Variants in PPM1E observed in about 807,000 individuals in gnomAD.
PPM1E encodes the protein protein phosphatase 1E.
PPM1E carries 20 observed loss-of-function variants against 65.9 expected under a neutral mutation model. The ratio of observed to expected loss-of-function variants is 0.30; its 90% CI spans 0.21 to 0.44. The LOEUF is 0.44. Among genes scored for constraint, PPM1E ranks in the 20% least tolerant of loss-of-function variants. The probability of loss-of-function intolerance (pLI) is 1.00; values close to 1 mark genes in which losing one functional copy is unlikely to be tolerated. For synonymous variants in PPM1E, 352 were observed against 374.9 expected (o/e 0.94, Z 0.70); for missense variants, 713 against 953.1 (o/e 0.75, Z 3.32).
chr17:58,956,034 T>C (rs930716374), intron 2 of PPM1E, among the ~76,000 whole-genome samples: 7 of 152,094 alleles, frequency 4.6e-5, no homozygotes, highest in Non-Finnish European at 8.8e-5. Flanking sequence ...AAGTGATACC[T>C]ACATGAATGG....
At chr17:58,899,874 A>C (rs1215276418) in intron 1 of PPM1E, among the ~76,000 whole-genome samples, 1 of 152,156 alleles carries the variant, frequency 6.6e-6, no homozygotes, top group African/African-American at 2.4e-5. Flanking sequence ...TGGAAATAGC[A>C]AGATAACTAA....
intron 1 of PPM1E, among the ~76,000 whole-genome samples, chr17:58,919,252 A>G (rs1236251562): frequency 6.6e-6 from 1 of 152,214 alleles, no homozygotes; most frequent in Admixed American, 6.5e-5. Context: ...AACATGTACT[A>G]AACCTGGTGG....
intron 1 of PPM1E, among the ~76,000 whole-genome samples, chr17:58,830,130 G>T (rs2143172881): frequency 6.6e-6 from 1 of 152,052 alleles, no homozygotes; most frequent in African/African-American, 2.4e-5. Flanking sequence ...AACTCTGATT[G>T]GATCACTGCA....
rs145752435 is a variant in PPM1E at position 58,831,267 on chromosome 17, C to T, written c.464+74806C>T. ...CCTTGTAATCGTCCACCTTGGTCTC[C>T]CAAAATGCTAGGATTACAGGCGTGA... On this transcript the variant is annotated intron_variant, in intron 1 of 6. Coordinates refer to ENST00000308249, the MANE Select transcript of PPM1E (RefSeq NM_014906.5). 4.8e-3 allele frequency among the ~76,000 whole-genome samples: 733 copies of T among 152,234 alleles called. 4 individuals are homozygous for T. Among genetic ancestry groups the T allele is most frequent in the African/African-American group, 0.017 (709 of 41,540 alleles).
At chr17:58,825,856 C>A (rs530683766) in intron 1 of PPM1E, among the ~76,000 whole-genome samples, 12 of 152,242 alleles carry the variant, frequency 7.9e-5, no homozygotes, top group Admixed American at 2.6e-4. Context: ...AGGCATGAGC[C>A]ACCGCACGCA....
chr17:58,936,270 A>G (rs1182921566), intron 1 of PPM1E, among the ~76,000 whole-genome samples: 1 of 152,120 alleles, frequency 6.6e-6, no homozygotes, highest in African/African-American at 2.4e-5. Context: ...TGCCTTCATT[A>G]TTTTTAGCTT....
intron 1 of PPM1E, among the ~76,000 whole-genome samples, chr17:58,937,673 G>C (rs886236794): frequency 2.7e-5 from 4 of 147,640 alleles, no homozygotes; most frequent in Non-Finnish European, 6.0e-5. Flanking sequence ...TTAGGAGCTC[G>C]AGACCATCCT....
In PPM1E at chr17:58,972,735, A is replaced by G. The variant is rs937321607; in HGVS notation, c.1117-97A>G. 1.5e-5 allele frequency: 16 copies of G among 1,083,688 alleles called. No homozygotes were observed. The Admixed American group carries it at 2.5e-4, about 17-fold the overall frequency. 67.1% of individuals were successfully genotyped at this position (1,083,688 alleles called of 1,614,324 possible). ...ATGGAGAAACAAAGAGAACCTTTTC[A>G]TGAGCTGATGAGTATTATATCTGTT... On this transcript the variant is annotated intron_variant, in intron 5 of 6. Coordinates refer to ENST00000308249, the MANE Select transcript of PPM1E (RefSeq NM_014906.5).
chr17:58,935,442 T>C (rs984436439), intron 1 of PPM1E, among the ~76,000 whole-genome samples: 6 of 152,086 alleles, frequency 3.9e-5, no homozygotes, highest in African/African-American at 1.4e-4. Flanking sequence ...AAAGATCATG[T>C]CAAGGTAGAC....
chr17:58,974,171 T>G (rs1421189959), intron 6 of PPM1E, among the ~76,000 whole-genome samples: 1 of 152,082 alleles, frequency 6.6e-6, no homozygotes, highest in East Asian at 1.9e-4. Context: ...TTTCATTGCA[T>G]TTTGGGTCAA....
intron 2 of PPM1E, among the ~76,000 whole-genome samples, chr17:58,962,216 G>A (rs1227596519): frequency 2.6e-5 from 4 of 151,648 alleles, no homozygotes; most frequent in South Asian, 2.1e-4. Flanking sequence ...CCTGGGAGGC[G>A]GAGGTTGTGG....
chr17:58,757,944 T>C (rs2049784769), intron 1 of PPM1E, among the ~76,000 whole-genome samples: 1 of 152,126 alleles, frequency 6.6e-6, no homozygotes, highest in South Asian at 2.1e-4. Context: ...TTGTGAACTA[T>C]CATAGACAAG....
intron 1 of PPM1E, among the ~76,000 whole-genome samples, chr17:58,802,908 ATTAG>A (rs2050272254): frequency 6.6e-6 from 1 of 152,060 alleles, no homozygotes; most frequent in Admixed American, 6.6e-5. Flanking sequence ...AGAATCATTT[ATTAG>A]TTCTAACAGT....
intron 3 of PPM1E, among the ~76,000 whole-genome samples, chr17:58,968,995 AT>A (rs1393721486): frequency 1.6e-4 from 25 of 152,350 alleles, no homozygotes; most frequent in African/African-American, 6.0e-4. Context: ...GGAATGATTT[AT>A]GAAGAAGGTA....
chr17:58,932,209 C>G (rs2051909545), intron 1 of PPM1E, among the ~76,000 whole-genome samples: 1 of 152,178 alleles, frequency 6.6e-6, no homozygotes, highest in African/African-American at 2.4e-5. Context: ...TGGCTCACGC[C>G]TGTAATCCCA....
At position 58,976,081 on chromosome 17, in the gene PPM1E, G is replaced by T. The variant is rs562777275; in HGVS notation, c.1210+3156G>T. On this transcript the variant is annotated intron_variant, in intron 6 of 6. Transcript: ENST00000308249. ...AAGGCAAAAGCTGATTCAGGAAAGG[G>T]TTCCTTTTTATTGTTTCTATTTTTA... 3.3e-5 allele frequency among the ~76,000 whole-genome samples: 5 copies of T among 152,292 alleles called. No individual in the cohort carries two copies. The South Asian group carries it at 1.0e-3, about 32-fold the overall frequency.
intron 1 of PPM1E, chr17:58,951,450 G>T (rs568754003): frequency 6.6e-6 from 1 of 152,434 alleles, no homozygotes; most frequent in East Asian, 1.9e-4. Flanking sequence ...AGACTGAGAT[G>T]GGTGAATTGC....
intron 1 of PPM1E, among the ~76,000 whole-genome samples, chr17:58,766,408 G>A (rs1220814723): frequency 6.7e-6 from 1 of 150,078 alleles, no homozygotes. Flanking sequence ...CATCATGTTG[G>A]TCAGGCTGGT....
chr17:58,766,115 G>A (rs1457666936), intron 1 of PPM1E, among the ~76,000 whole-genome samples: 1 of 150,390 alleles, frequency 6.6e-6, no homozygotes, highest in Non-Finnish European at 1.5e-5. Flanking sequence ...CCTGACCTCA[G>A]GTCATCCACC....
Sources: gnomAD v4.1 joint callset for allele counts (sites outside exome capture counted in the v4.1 genomes callset) on GRCh38, gnomAD v4.1.1 for gene constraint, MANE v1.5 for transcripts, NCBI Gene and HGNC (gene_info 2026-07-23, HGNC 2026-07-21) for gene names.